The following MAGI2 variants were observed in gnomAD, a reference collection of about 807,000 sequenced individuals.
MAGI2 encodes membrane-associated guanylate kinase, WW and PDZ domain-containing protein 2.
Under a neutral mutation model 133.3 loss-of-function variants are expected in MAGI2, and 35 were observed. The observed-to-expected ratio is 0.26, with a 90% confidence interval of 0.20 to 0.35. The LOEUF (loss-of-function observed/expected upper bound fraction) is 0.35, where lower values mean the gene tolerates loss of function less well. Among genes scored for constraint, MAGI2 ranks in the 10% least tolerant of loss-of-function variants. The probability of loss-of-function intolerance (pLI) is 1.00; values close to 1 mark genes in which losing one functional copy is unlikely to be tolerated. For missense variants in MAGI2, 1,636 were observed against 1,863.4 expected (o/e 0.88, Z 2.25); for synonymous variants, 729 against 710.6 (o/e 1.03, Z -0.41).
intron 9 of MAGI2, among the ~76,000 whole-genome samples, chr7:78,328,024 GA>G (rs1788760409): frequency 6.6e-6 from 1 of 152,144 alleles, no homozygotes; most frequent in African/African-American, 2.4e-5. Flanking sequence ...TCTGAATAGG[GA>G]GGAAAATGTC....
intron 14 of MAGI2, among the ~76,000 whole-genome samples, chr7:78,174,013 C>T (rs1244356463): frequency 2.6e-5 from 4 of 152,226 alleles, no homozygotes; most frequent in South Asian, 4.2e-4. Flanking sequence ...GCTATAGGGC[C>T]GCCAGGACGC....
intron 1 of MAGI2, among the ~76,000 whole-genome samples, chr7:79,339,030 C>A (rs1009446787): frequency 2.0e-5 from 3 of 152,050 alleles, no homozygotes; most frequent in Non-Finnish European, 4.4e-5. Flanking sequence ...GTCATACTTT[C>A]ATTCAATATA....
chr7:78,326,418 G>A (rs1303092043), intron 9 of MAGI2, among the ~76,000 whole-genome samples: 2 of 152,106 alleles, frequency 1.3e-5, no homozygotes, highest in Non-Finnish European at 2.9e-5. Context: ...CTTATCTCCA[G>A]GTGCCCTTTT....
At chr7:79,010,939 A>G (rs1046463520) in intron 1 of MAGI2, 1 of 152,140 alleles carries the variant, frequency 6.6e-6, no homozygotes, top group African/African-American at 2.4e-5. Context: ...TGAAGACCAA[A>G]CTTCTTAGTG....
intron 2 of MAGI2, among the ~76,000 whole-genome samples, chr7:78,830,430 C>CT (rs1377196610): frequency 6.6e-6 from 1 of 152,072 alleles, no homozygotes; most frequent in African/African-American, 2.4e-5. Context: ...TATCCAATCT[C>CT]TTTTTTTCTT....
intron 9 of MAGI2, among the ~76,000 whole-genome samples, chr7:78,314,337 C>G (rs1011388305): frequency 1.3e-5 from 2 of 152,066 alleles, no homozygotes; most frequent in African/African-American, 4.8e-5. Context: ...AAAATGATGC[C>G]TTACAGCTCT....
At chr7:79,157,399 G>C (rs1823885240) in intron 1 of MAGI2, among the ~76,000 whole-genome samples, 1 of 151,856 alleles carries the variant, frequency 6.6e-6, no homozygotes. Context: ...CCAGTGTTTT[G>C]AGCCCTCTCA....
intron 2 of MAGI2, among the ~76,000 whole-genome samples, chr7:78,988,389 G>A (rs1562755839): frequency 6.6e-6 from 1 of 152,106 alleles, no homozygotes; most frequent in African/African-American, 2.4e-5. Flanking sequence ...TATTTCAGGT[G>A]AGCTAAATTT....
intron 2 of MAGI2, among the ~76,000 whole-genome samples, chr7:78,883,950 G>A (rs182925478): frequency 6.6e-6 from 1 of 152,094 alleles, no homozygotes; most frequent in East Asian, 1.9e-4. Flanking sequence ...CCTTGGCAAA[G>A]AATTTATGAC....
At chr7:79,068,357 A>T (rs1341474901) in intron 1 of MAGI2, among the ~76,000 whole-genome samples, 1 of 152,070 alleles carries the variant, frequency 6.6e-6, no homozygotes, top group Non-Finnish European at 1.5e-5. Context: ...CCAGGAATTT[A>T]TCCATTTCTT....
At chr7:79,301,974 T>G (rs1585490011) in intron 1 of MAGI2, among the ~76,000 whole-genome samples, 1 of 152,208 alleles carries the variant, frequency 6.6e-6, no homozygotes, top group Admixed American at 6.5e-5. Flanking sequence ...CTGTTCCTCT[T>G]TTTGCCTTCT....
intron 1 of MAGI2, among the ~76,000 whole-genome samples, chr7:79,345,497 C>T (rs183843892): frequency 6.6e-6 from 1 of 152,142 alleles, no homozygotes; most frequent in Admixed American, 6.5e-5. Context: ...TCCGAGCATA[C>T]TAATGCATGT....
At chr7:78,475,149 A>G (rs1392981883) in intron 6 of MAGI2, among the ~76,000 whole-genome samples, 1 of 152,002 alleles carries the variant, frequency 6.6e-6, no homozygotes, top group Non-Finnish European at 1.5e-5. Context: ...TACTATCTGA[A>G]TCTTGTGTGT....
chr7:78,649,563 A>C (rs1334036636), intron 2 of MAGI2, among the ~76,000 whole-genome samples: 3 of 152,206 alleles, frequency 2.0e-5, no homozygotes, highest in African/African-American at 7.2e-5. Context: ...TCAAAATAGA[A>C]GTGAGACTAA....
rs1254449169 is a variant in MAGI2 at position 78,344,036 on chromosome 7, CT to C, written c.1226-77del. The C allele has an allele frequency of 2.2e-6, 3 of 1,375,742 alleles. No individual in the cohort carries two copies. In the African/African-American group the frequency reaches 4.4e-5, roughly 20 times the overall value. The allele number at this position is 1,375,742 out of a possible 1,614,324, so 85.2% of individuals were successfully genotyped here. The stretch of plus-strand genomic sequence containing the variant: ...TTCTCAGACAAGAGAAAGCCAGCCC[CT>C]GAGCAGCGACAATCCCAGGGGTAAA... On this transcript the variant is annotated intron_variant, in intron 8 of 21. Transcript: ENST00000354212.
intron 2 of MAGI2, among the ~76,000 whole-genome samples, chr7:78,682,685 A>G (rs1232345631): frequency 2.6e-5 from 4 of 152,116 alleles, no homozygotes; most frequent in Non-Finnish European, 2.9e-5. Context: ...GTAAACATAC[A>G]TGTGCATGTG....
chr7:78,996,702 A>T (rs1464446228), intron 2 of MAGI2, among the ~76,000 whole-genome samples: 1 of 152,170 alleles, frequency 6.6e-6, no homozygotes, highest in Non-Finnish European at 1.5e-5. Flanking sequence ...AAAGGAAAGT[A>T]TGTTCTACCT....
chr7:79,048,958 A>G (rs927967910), intron 1 of MAGI2, among the ~76,000 whole-genome samples: 1 of 152,212 alleles, frequency 6.6e-6, no homozygotes, highest in Non-Finnish European at 1.5e-5. Flanking sequence ...AAATAAAATA[A>G]TAACATTTTG....
At chr7:78,857,505 G>T (rs1201719259) in intron 2 of MAGI2, among the ~76,000 whole-genome samples, 1 of 152,156 alleles carries the variant, frequency 6.6e-6, no homozygotes, top group Non-Finnish European at 1.5e-5. Context: ...CATCTATTGA[G>T]ATAATCATGT....
Sources: allele counts gnomAD v4.1 joint callset (sites outside exome capture counted in the v4.1 genomes callset), GRCh38; gene constraint gnomAD v4.1.1; transcripts MANE v1.5; gene names NCBI Gene and HGNC (gene_info 2026-07-23, HGNC 2026-07-21).